MOB3B: variants seen among roughly 807,000 people sequenced by gnomAD.
The protein encoded by MOB3B is MOB kinase activator-like 2B.
Under a neutral mutation model 18.7 loss-of-function variants are expected in MOB3B, and 7 were observed. The observed-to-expected ratio is 0.37, with a 90% CI of 0.21 to 0.70. MOB3B has a LOEUF of 0.70. MOB3B is among the 30% of genes least tolerant of loss of function. The pLI is 0.52. For missense variants in MOB3B, 253 were observed against 281.3 expected (o/e 0.90, Z 0.72); for synonymous variants, 111 against 99.9 (o/e 1.11, Z -0.66).
At chr9:27,410,560 A>G (rs1822051674) in intron 2 of MOB3B, among the ~76,000 whole-genome samples, 3 of 151,454 alleles carry the variant, frequency 2.0e-5, no homozygotes, top group Non-Finnish European at 4.4e-5. Flanking sequence ...TATATTTTGC[A>G]TCTTTCTGGA....
At chr9:27,478,043 A>C (rs1478321530) in intron 1 of MOB3B, among the ~76,000 whole-genome samples, 1 of 152,204 alleles carries the variant, frequency 6.6e-6, no homozygotes, top group African/African-American at 2.4e-5. Context: ...CAGGGTGAAA[A>C]AAAATGCATC....
intron 2 of MOB3B, among the ~76,000 whole-genome samples, chr9:27,383,275 A>G (rs1770083616): frequency 6.6e-6 from 1 of 152,186 alleles, no homozygotes; most frequent in African/African-American, 2.4e-5. Flanking sequence ...GAGCCCTTAC[A>G]ACAGAGCCTG....
intron 3 of MOB3B, among the ~76,000 whole-genome samples, chr9:27,331,177 G>C (rs1587135440): frequency 6.6e-6 from 1 of 152,184 alleles, no homozygotes; most frequent in East Asian, 1.9e-4. Context: ...TGTCTGACAT[G>C]CGTCACCTGC....
chr9:27,401,359 G>C (rs997578109), intron 2 of MOB3B, among the ~76,000 whole-genome samples: 1 of 152,204 alleles, frequency 6.6e-6, no homozygotes, highest in African/African-American at 2.4e-5. Flanking sequence ...TCCTGAAAGA[G>C]GGGCTGTAGG....
At chr9:27,396,178 C>T (rs746201156) in intron 2 of MOB3B, among the ~76,000 whole-genome samples, 1 of 152,110 alleles carries the variant, frequency 6.6e-6, no homozygotes, top group Non-Finnish European at 1.5e-5. Flanking sequence ...AAATAGTAAA[C>T]CACATTTTCT....
intron 2 of MOB3B, among the ~76,000 whole-genome samples, chr9:27,373,657 G>A (rs1809431208): frequency 1.3e-5 from 2 of 152,160 alleles, no homozygotes; most frequent in Admixed American, 1.3e-4. Context: ...ATACATAAAA[G>A]TTTTTTGTGA....
intron 2 of MOB3B, among the ~76,000 whole-genome samples, chr9:27,398,139 C>T (rs530903330): frequency 2.6e-5 from 4 of 152,278 alleles, no homozygotes; most frequent in South Asian, 2.1e-4. Context: ...CACAGCATCC[C>T]GGGGAGGAGC....
chr9:27,411,177 T>G (rs1822060847), intron 2 of MOB3B, among the ~76,000 whole-genome samples: 2 of 152,234 alleles, frequency 1.3e-5, no homozygotes. Flanking sequence ...ATAAGTGGCT[T>G]CTTTCCTGGT....
At chr9:27,457,590 C>T (rs1819200191) in intron 1 of MOB3B, among the ~76,000 whole-genome samples, 1 of 152,208 alleles carries the variant, frequency 6.6e-6, no homozygotes, top group Non-Finnish European at 1.5e-5. Context: ...CGCCCCACCC[C>T]CAGTCCCAAG....
At chr9:27,447,604 C>A (rs759768622) in intron 2 of MOB3B, among the ~76,000 whole-genome samples, 1 of 152,208 alleles carries the variant, frequency 6.6e-6, no homozygotes, top group Non-Finnish European at 1.5e-5. Flanking sequence ...ACTTACAGAG[C>A]AGTCTTCAGG....
chr9:27,499,785 G>A (rs115003637), intron 1 of MOB3B, among the ~76,000 whole-genome samples: 1,669 of 152,172 alleles, frequency 0.011, 35 homozygotes, highest in African/African-American at 0.038. Flanking sequence ...GAAAAACAAT[G>A]TATCTAATAC....
intron 3 of MOB3B, among the ~76,000 whole-genome samples, chr9:27,338,432 C>T (rs770385339): frequency 6.6e-6 from 1 of 152,150 alleles, no homozygotes; most frequent in African/African-American, 2.4e-5. Context: ...TAAGAATTTG[C>T]CCTGGCAGCT....
At position 27,499,610 on chromosome 9, in the gene MOB3B, A is replaced by T. The variant is rs1261170423; in HGVS notation, c.-199+29945T>A. On this transcript the variant is annotated intron_variant, in intron 1 of 3. Transcript: ENST00000262244. ...ACAGGTCCCATTACCTAGGACTCAT[A>T]CTTTAACATTTACTAATTCGCTTTC... Among the ~76,000 whole-genome samples, 5 of 152,344 alleles carry T rather than the reference A, an allele frequency of 3.3e-5. No individual in the cohort carries two copies. The East Asian group carries it at 9.6e-4, about 29-fold the overall frequency.
intron 2 of MOB3B, among the ~76,000 whole-genome samples, chr9:27,449,498 TTAGAGA>T (rs1822748831): frequency 6.6e-6 from 1 of 152,320 alleles, no homozygotes; most frequent in African/African-American, 2.4e-5. Flanking sequence ...GAATGGAAAC[TTAGAGA>T]TAAAGTCACA....
intron 2 of MOB3B, among the ~76,000 whole-genome samples, chr9:27,425,861 CATCA>C (rs1256394998): frequency 4.6e-5 from 7 of 152,264 alleles, no homozygotes; most frequent in Admixed American, 3.3e-4. Context: ...ACCATCTTTT[CATCA>C]ATCAAACCAC....
intron 1 of MOB3B, among the ~76,000 whole-genome samples, chr9:27,466,263 C>T (rs1388460651): frequency 2.0e-5 from 3 of 152,208 alleles, no homozygotes; most frequent in Admixed American, 6.5e-5. Context: ...CCACCAGTCT[C>T]TTTGCTAAAA....
intron 2 of MOB3B, among the ~76,000 whole-genome samples, chr9:27,376,319 C>T (rs996663146): frequency 6.6e-6 from 1 of 152,228 alleles, no homozygotes; most frequent in Non-Finnish European, 1.5e-5. Flanking sequence ...ATTTACATTA[C>T]ATTTTACATT....
intron 2 of MOB3B, among the ~76,000 whole-genome samples, chr9:27,366,502 CT>C (rs1821344160): frequency 6.6e-6 from 1 of 152,112 alleles, no homozygotes; most frequent in African/African-American, 2.4e-5. Flanking sequence ...GCCTAAATGG[CT>C]TGTGTTACTT....
chr9:27,433,219 T>A (rs1303196693), intron 2 of MOB3B, among the ~76,000 whole-genome samples: 1 of 152,016 alleles, frequency 6.6e-6, no homozygotes, highest in Non-Finnish European at 1.5e-5. Context: ...TAGTAATGAT[T>A]TTTTATATAT....
Sources: gnomAD v4.1 joint callset for allele counts (sites outside exome capture counted in the v4.1 genomes callset) on GRCh38, gnomAD v4.1.1 for gene constraint, MANE v1.5 for transcripts, NCBI Gene and HGNC (gene_info 2026-07-23, HGNC 2026-07-21) for gene names.